Variants in RIPPLY3 observed in about 807,000 individuals in gnomAD.
RIPPLY3 encodes the protein ripply transcriptional repressor 3, also known as protein ripply3.
A neutral mutation model predicts 11.9 loss-of-function variants in RIPPLY3; 8 were observed. That is an observed-to-expected ratio of 0.67 (90% CI 0.40 to 1.21). RIPPLY3 has a LOEUF of 1.21. Ranked by LOEUF, RIPPLY3 falls within the 50% of genes most tolerant of loss-of-function variation. The pLI is 0.01. For synonymous variants in RIPPLY3, 102 were observed against 99.0 expected (o/e 1.03, Z -0.18); for missense variants, 271 against 246.0 (o/e 1.10, Z -0.68).
At chr21:37,013,990 T>C (rs1236005025) in intron 3 of RIPPLY3, among the ~76,000 whole-genome samples, 1 of 152,202 alleles carries the variant, frequency 6.6e-6, no homozygotes, top group African/African-American at 2.4e-5. Context: ...TATAAGCTAG[T>C]ATATTGTCTA....
chr21:37,010,408 G>T (rs1481546060), intron 2 of RIPPLY3, among the ~76,000 whole-genome samples: 2 of 152,138 alleles, frequency 1.3e-5, no homozygotes, highest in Non-Finnish European at 2.9e-5. Flanking sequence ...CAGGAGGATC[G>T]CTTGAACCTG....
In RIPPLY3 at chr21:37,018,291, C is replaced by A; in HGVS notation, c.*84C>A. 8.6e-7 allele frequency: 1 copy of A among 1,169,384 alleles called. No homozygotes were observed. The highest frequency in any genetic ancestry group is 1.3e-5 in the South Asian group (1 of 78,646). The allele number at this position is 1,169,384 out of a possible 1,614,324, so 72.4% of individuals were successfully genotyped here. A position where few individuals can be genotyped will look rare whatever the true frequency, so the allele number is the denominator to read the frequency against. On this transcript the variant is annotated 3_prime_UTR_variant, in exon 4 of 4. Transcript: ENST00000329553. ...CACCCGAGCCAGGACACTACGCATCCCTGCTGAGTGTGCAGAGGCTAGAGG... is the reference window on the plus strand; with the variant it reads ...CACCCGAGCCAGGACACTACGCATCACTGCTGAGTGTGCAGAGGCTAGAGG...
chr21:37,016,725 CAGG>C, intron 3 of RIPPLY3, among the ~76,000 whole-genome samples: 1 of 152,262 alleles, frequency 6.6e-6, no homozygotes, highest in Middle Eastern at 3.4e-3. Flanking sequence ...CTCAGCTACT[CAGG>C]AGGTTCAGGT....
At chr21:37,013,458 C>T in intron 2 of RIPPLY3, 93 bp from the exon 3 acceptor site, 1 of 985,340 alleles carries the variant, frequency 1.0e-6, no homozygotes, top group Non-Finnish European at 1.6e-6. Context: ...TGACCAACTG[C>T]AGATGACTTA....
In RIPPLY3 at chr21:37,018,070, A is replaced by G. The variant is rs2069598387; in HGVS notation, c.436A>G (p.Asn146Asp). The part of the protein sequence containing the change: ...LPQEVGGRQE[N>D]GPGGKGRDQG... ...CCAGGAGGTGGGAGGTCGGCAGGAA[A>G]ATGGCCCAGGGGGAAAGGGCAGAGA... The change falls in exon 4 of 4, where the codon AAT becomes GAT. Residue 146 changes from asparagine to aspartate, a missense_variant. Asn to Asp is a conservative substitution (Grantham distance 23, BLOSUM62 1). Transcript: ENST00000329553. The G allele has an allele frequency of 1.2e-6, 2 of 1,614,054 alleles. No homozygotes were observed. Among genetic ancestry groups the G allele is most frequent in the Non-Finnish European group, 1.7e-6 (2 of 1,180,004 alleles).
intron 2 of RIPPLY3, among the ~76,000 whole-genome samples, 180 bp downstream of exon 2, chr21:37,008,403 T>C (rs1326779302): frequency 6.6e-6 from 1 of 152,102 alleles, no homozygotes; most frequent in African/African-American, 2.4e-5. Context: ...CAGACCTGAC[T>C]CGCATTATAG....
intron 2 of RIPPLY3, among the ~76,000 whole-genome samples, chr21:37,008,452 AC>A (rs555509601): frequency 1.2e-4 from 18 of 152,058 alleles, no homozygotes; most frequent in Non-Finnish European, 2.2e-4. Context: ...AAAAAAGCAT[AC>A]CCACTATAAA....
At chr21:37,008,766 A>AC (rs1364444344) in intron 2 of RIPPLY3, among the ~76,000 whole-genome samples, 37 of 151,444 alleles carry the variant, frequency 2.4e-4, no homozygotes, top group East Asian at 5.8e-4. Flanking sequence ...CAAAAAAAAA[A>AC]AAAAAAAAAA....
Position 37,017,938 on chromosome 21 carries a change from A to G in RIPPLY3, c.304A>G (p.Ser102Gly). ...GAGTTCCGGGGAGCAAGTACTGGCCAGTTTCCCAGTGCAAGCCACGATTGA... is the reference window on the plus strand; with the variant it reads ...GAGTTCCGGGGAGCAAGTACTGGCCGGTTTCCCAGTGCAAGCCACGATTGA... ...LRSSGEQVLA[S>G]FPVQATIDFY... Residue 102 changes from serine (S) to glycine (G), a missense_variant, in exon 4 of 4, where the codon AGT becomes GGT. By Grantham distance (56) the Ser-to-Gly change is moderately conservative. Transcript: ENST00000329553. 6.2e-7 allele frequency: 1 copy of G among 1,614,152 alleles called. No individual in the cohort carries two copies. The highest frequency in any genetic ancestry group is 1.1e-5 in the South Asian group (1 of 91,078).
At chr21:37,014,570 A>T (rs989700589) in intron 3 of RIPPLY3, among the ~76,000 whole-genome samples, 6 of 152,054 alleles carry the variant, frequency 3.9e-5, no homozygotes, top group Admixed American at 3.9e-4. Context: ...CTCCTTTACC[A>T]AAATTAACCT....
intron 2 of RIPPLY3, among the ~76,000 whole-genome samples, chr21:37,012,777 C>T (rs2069538003): frequency 6.6e-6 from 1 of 152,040 alleles, no homozygotes; most frequent in Admixed American, 6.6e-5. Context: ...ACCGTTTGAG[C>T]CCTTTGCCCA....
chr21:37,008,776 A>G, intron 2 of RIPPLY3, among the ~76,000 whole-genome samples: 1 of 151,942 alleles, frequency 6.6e-6, no homozygotes, highest in East Asian at 1.9e-4. Context: ...AAAAAAAAAA[A>G]AAAACCGTAG....
upstream of RIPPLY3, chr21:37,006,638 T>C: frequency 2.2e-6 from 1 of 461,064 alleles, no homozygotes; most frequent in African/African-American, 2.0e-5. The surrounding 1 kb of genome is among the most constrained non-coding windows in gnomAD (Gnocchi z 5.2). Context: ...TCCTGCCCCC[T>C]CCCAGCGCTT....
intron 2 of RIPPLY3, among the ~76,000 whole-genome samples, chr21:37,013,234 T>C (rs937446711): frequency 2.6e-5 from 4 of 152,174 alleles, no homozygotes; most frequent in Non-Finnish European, 5.9e-5. Flanking sequence ...CTTAGAATCA[T>C]GGGTATCTTA....
At chr21:37,014,582 G>T (rs915528300) in intron 3 of RIPPLY3, among the ~76,000 whole-genome samples, 10 of 152,044 alleles carry the variant, frequency 6.6e-5, no homozygotes, top group African/African-American at 2.4e-4. Flanking sequence ...AATTAACCTT[G>T]CCTGGGCCGC....
At chr21:37,007,384 A>G (rs889031757) in intron 1 of RIPPLY3, among the ~76,000 whole-genome samples, 3 of 142,800 alleles carry the variant, frequency 2.1e-5, no homozygotes. Context: ...GTAGCCAGGC[A>G]GGAGAAAGAT....
In RIPPLY3 at chr21:37,006,790, G is replaced by T; in HGVS notation, c.18G>T (p.Ala6=). The T allele has an allele frequency of 8.1e-7, 1 of 1,232,960 alleles. No homozygotes were observed. Among genetic ancestry groups the T allele is most frequent in the Non-Finnish European group, 1.0e-6 (1 of 988,970 alleles). 76.4% of individuals were successfully genotyped at this position (1,232,960 alleles called of 1,614,324 possible). A position where few individuals can be genotyped will look rare whatever the true frequency, so the allele number is the denominator to read the frequency against. ...CCGGCACCATGGAGCCCGAAGCGGCGGCCGGAGCCCGGAAGGCGCGGGGGC... is the reference window on the plus strand; with the variant it reads ...CCGGCACCATGGAGCCCGAAGCGGCTGCCGGAGCCCGGAAGGCGCGGGGGC... MEPEA[A]AGARKARGRG... is the part of the protein sequence containing the mutation. Residue 6 remains alanine (A), a synonymous_variant, in exon 1 of 4, where the codon GCG becomes GCT. Transcript: ENST00000329553. The surrounding 1 kb of genome is among the most constrained non-coding windows in gnomAD (Gnocchi z 5.2).
chr21:37,008,034 T>C (rs2069482894), intron 1 of RIPPLY3, 123 bp from the exon 2 acceptor site: 1 of 952,058 alleles, frequency 1.1e-6, no homozygotes, highest in Non-Finnish European at 1.6e-6. Context: ...CCAGGGAAAG[T>C]TCCTGGGGGG....
intron 1 of RIPPLY3, among the ~76,000 whole-genome samples, 154 bp downstream of exon 1, chr21:37,007,030 C>T (rs975168248): frequency 6.6e-6 from 1 of 152,244 alleles, no homozygotes; most frequent in Non-Finnish European, 1.5e-5. Context: ...GCTCCTGAGC[C>T]GGCAGCCGGG....
Sources: gnomAD v4.1 joint callset for allele counts (sites outside exome capture counted in the v4.1 genomes callset) on GRCh38, gnomAD v4.1.1 for gene constraint, Gnocchi (gnomAD v3.1) non-coding constraint, MANE v1.5 for transcripts, NCBI Gene and HGNC (gene_info 2026-07-23, HGNC 2026-07-21) for gene names.